The following CYP7B1 variants were observed in gnomAD, a reference collection of about 807,000 sequenced individuals.
CYP7B1 encodes the protein cytochrome P450 7B1.
CYP7B1 carries 29 observed loss-of-function variants against 42.7 expected under a neutral mutation model. The ratio of observed to expected loss-of-function variants is 0.68; its 90% CI spans 0.51 to 0.93. CYP7B1 has a LOEUF of 0.93. Among genes scored for constraint, CYP7B1 ranks in the 40% least tolerant of loss-of-function variants. The pLI is 0.00. For missense variants in CYP7B1, 655 were observed against 600.5 expected (o/e 1.09, Z -0.95); for synonymous variants, 235 against 218.2 (o/e 1.08, Z -0.68).
chr8:64,608,762 C>T (rs1479384285), intron 4 of CYP7B1, among the ~76,000 whole-genome samples: 2 of 152,110 alleles, frequency 1.3e-5, no homozygotes, highest in Non-Finnish European at 2.9e-5. Flanking sequence ...GTCTTCAAGG[C>T]AGTTGAGAAG....
At chr8:64,792,575 T>C (rs541793302) in intron 1 of CYP7B1, among the ~76,000 whole-genome samples, 52 of 152,268 alleles carry the variant, frequency 3.4e-4, no homozygotes, top group African/African-American at 1.2e-3. Flanking sequence ...TGACTAATAG[T>C]TGCCCTCAAC....
At chr8:64,676,191 T>C (rs1380160175) in intron 1 of CYP7B1, among the ~76,000 whole-genome samples, 1 of 152,156 alleles carries the variant, frequency 6.6e-6, no homozygotes, top group Admixed American at 6.5e-5. Context: ...TTCTCAACCA[T>C]TCATTCATAT....
chr8:64,771,144 T>C (rs1804220835), intron 1 of CYP7B1, among the ~76,000 whole-genome samples: 1 of 130,140 alleles, frequency 7.7e-6, no homozygotes, highest in Non-Finnish European at 1.6e-5. Flanking sequence ...CACTGCAACC[T>C]CCGCCTCCTG....
intron 1 of CYP7B1, among the ~76,000 whole-genome samples, chr8:64,787,753 T>C (rs1804550478): frequency 1.3e-5 from 2 of 152,304 alleles, no homozygotes; most frequent in South Asian, 4.1e-4. Context: ...ACTGTATTAG[T>C]CCATTTTCAC....
intron 1 of CYP7B1, among the ~76,000 whole-genome samples, chr8:64,628,248 C>T (rs1408402899): frequency 2.0e-5 from 3 of 152,210 alleles, no homozygotes; most frequent in Non-Finnish European, 4.4e-5. Context: ...AACCCAAGTT[C>T]TATGCAAGTA....
intron 1 of CYP7B1, among the ~76,000 whole-genome samples, chr8:64,733,124 G>A (rs184752387): frequency 1.3e-5 from 2 of 152,252 alleles, no homozygotes; most frequent in East Asian, 3.9e-4. Flanking sequence ...AGCAGCATGA[G>A]AATGCACTAA....
At chr8:64,763,545 G>T (rs959178884) in intron 1 of CYP7B1, among the ~76,000 whole-genome samples, 1 of 152,242 alleles carries the variant, frequency 6.6e-6, no homozygotes, top group African/African-American at 2.4e-5. Flanking sequence ...TCCTTCCTTA[G>T]AATTGGAGGA....
chr8:64,791,713 A>C (rs543548551), intron 1 of CYP7B1, among the ~76,000 whole-genome samples: 3 of 152,336 alleles, frequency 2.0e-5, no homozygotes, highest in South Asian at 4.2e-4. Context: ...TAAGCCACTA[A>C]ATTAGTGGTA....
rs1455721073 is a variant in CYP7B1, at chr8:64,686,352, T to C, written c.123-61813A>G. ...GGCGCCTCTGCCCGGCCGCCCCTAC[T>C]GGGAAGTGAGGAGCCCCTCTGCCCG... On this transcript the variant is annotated intron_variant, in intron 1 of 5. Transcript: ENST00000310193. Among the ~76,000 whole-genome samples the C allele has an allele frequency of 1.2e-4, 4 of 33,156 alleles. 1 individual carries two copies. The highest frequency in any genetic ancestry group is 1.3e-4 in the Non-Finnish European group (2 of 15,390). 21.8% of individuals were successfully genotyped at this position (33,156 alleles called of 152,430 possible).
chr8:64,608,020 G>C (rs1367024081), intron 4 of CYP7B1, among the ~76,000 whole-genome samples: 8 of 152,162 alleles, frequency 5.3e-5, no homozygotes, highest in Non-Finnish European at 8.8e-5. Context: ...TAGGAAATTG[G>C]ATTCCAAAAT....
intron 1 of CYP7B1, among the ~76,000 whole-genome samples, chr8:64,658,050 C>A (rs1283558829): frequency 6.6e-6 from 1 of 152,108 alleles, no homozygotes; most frequent in Non-Finnish European, 1.5e-5. Context: ...GAGAGATGAC[C>A]AAGCTTCCTG....
intron 2 of CYP7B1, among the ~76,000 whole-genome samples, chr8:64,618,912 A>G (rs547537754): frequency 4.4e-4 from 67 of 152,036 alleles, no homozygotes; most frequent in Admixed American, 2.6e-4. Flanking sequence ...TTCTTATTTC[A>G]GTGTCCTTCA....
At chr8:64,608,783 A>T (rs944249644) in intron 4 of CYP7B1, among the ~76,000 whole-genome samples, 2 of 152,182 alleles carry the variant, frequency 1.3e-5, no homozygotes, top group Admixed American at 6.5e-5. Flanking sequence ...GTAAATAAGA[A>T]ATTGTGATAA....
At chr8:64,598,964 G>A (rs1805158495) in intron 5 of CYP7B1, among the ~76,000 whole-genome samples, 1 of 152,112 alleles carries the variant, frequency 6.6e-6, no homozygotes. Flanking sequence ...TTGCCCTATT[G>A]CCTAGGCATG....
At chr8:64,707,573 T>C (rs1563399501) in intron 1 of CYP7B1, among the ~76,000 whole-genome samples, 1 of 152,108 alleles carries the variant, frequency 6.6e-6, no homozygotes. Flanking sequence ...CACCTGTCAT[T>C]TGAAATGAAA....
intron 1 of CYP7B1, among the ~76,000 whole-genome samples, chr8:64,679,255 C>T (rs1361563458): frequency 6.6e-6 from 1 of 152,086 alleles, no homozygotes; most frequent in Non-Finnish European, 1.5e-5. Flanking sequence ...TACTTTGAGA[C>T]TTCCCTATAT....
chr8:64,628,953 C>A (rs907969207), intron 1 of CYP7B1, among the ~76,000 whole-genome samples: 1 of 152,042 alleles, frequency 6.6e-6, no homozygotes, highest in East Asian at 1.9e-4. Context: ...CGCTGCCGGG[C>A]ACAGTGGCTC....
chr8:64,642,341 A>G (rs1225882378), intron 1 of CYP7B1, among the ~76,000 whole-genome samples: 4 of 151,806 alleles, frequency 2.6e-5, no homozygotes, highest in African/African-American at 9.7e-5. Flanking sequence ...CTTTCTACCC[A>G]GGGTCCACCT....
At chr8:64,704,321 T>C (rs1368816438) in intron 1 of CYP7B1, among the ~76,000 whole-genome samples, 1 of 152,058 alleles carries the variant, frequency 6.6e-6, no homozygotes, top group Non-Finnish European at 1.5e-5. Flanking sequence ...CAGGATACTC[T>C]TTCTAAAGAG....
Sources: gnomAD v4.1 joint callset for allele counts (sites outside exome capture counted in the v4.1 genomes callset) on GRCh38, gnomAD v4.1.1 for gene constraint, MANE v1.5 for transcripts, NCBI Gene and HGNC (gene_info 2026-07-23, HGNC 2026-07-21) for gene names.